The following DPP6 variants were observed in gnomAD, a reference collection of about 807,000 sequenced individuals.
DPP6 encodes the protein A-type potassium channel modulatory protein DPP6.
In DPP6, 69 loss-of-function variants were observed where a neutral mutation model predicts 122.6. The observed-to-expected ratio is 0.56, with a 90% CI of 0.46 to 0.69. DPP6 has a LOEUF of 0.69. Among genes scored for constraint, DPP6 ranks in the 30% least tolerant of loss-of-function variants. The pLI, the probability that DPP6 is intolerant of heterozygous loss-of-function variation, is 0.00. For missense variants in DPP6, 928 were observed against 1,116.9 expected (o/e 0.83, Z 2.41); for synonymous variants, 418 against 433.1 (o/e 0.97, Z 0.43).
At chr7:154,467,781 A>G (rs1821917190) in intron 2 of DPP6, among the ~76,000 whole-genome samples, 1 of 152,208 alleles carries the variant, frequency 6.6e-6, no homozygotes. Context: ...AATTCATTCC[A>G]TTAGACAAGT....
At chr7:153,815,155 G>T in the DPP6 span, among the ~76,000 whole-genome samples, 1 of 152,184 alleles carries the variant, frequency 6.6e-6, no homozygotes, top group Non-Finnish European at 1.5e-5. Context: ...ATTAGGAAAA[G>T]AGGAAGTCAA....
At chr7:154,380,773 G>A (rs2151141243) in intron 1 of DPP6, among the ~76,000 whole-genome samples, 1 of 152,302 alleles carries the variant, frequency 6.6e-6, no homozygotes, top group East Asian at 1.9e-4. Context: ...GGTGAGAAGT[G>A]GGAGACTGGT....
At chr7:154,252,235 T>TGTGCGCGC (rs60245069) in intron 1 of DPP6, among the ~76,000 whole-genome samples, 36 of 149,446 alleles carry the variant, frequency 2.4e-4, no homozygotes, top group Non-Finnish European at 4.4e-4. Flanking sequence ...TGTGTGTGTG[T>TGTGCGCGC]GCGCGCATGC....
the DPP6 span, among the ~76,000 whole-genome samples, chr7:153,750,062 A>C: frequency 6.6e-6 from 1 of 152,174 alleles, no homozygotes; most frequent in African/African-American, 2.4e-5. Context: ...ATTAGCCCAC[A>C]ATATCAACTC....
Position 154,769,436 on chromosome 7 carries a change from C to A in DPP6, c.903C>A (p.His301Gln), listed in dbSNP as rs763017189. 1.9e-6 allele frequency: 3 copies of A among 1,613,632 alleles called. No individual in the cohort carries two copies. The Admixed American group carries it at 5.0e-5, about 27-fold the overall frequency. The change falls in exon 9 of 26, where the codon CAC (histidine) becomes CAA (glutamine). Residue 301 changes from histidine to glutamine, a missense_variant. His to Gln is a conservative substitution (Grantham distance 24). Transcript: ENST00000377770. ...WLYEEEILKT[H>Q]IAHWWSPDGT... is the part of the protein sequence containing the mutation. ...CCTTAGAGGAGATTTTGAAGACACA[C>A]ATCGCACACTGGTGGTCTCCGGATG...
intron 1 of DPP6, among the ~76,000 whole-genome samples, chr7:153,934,412 A>G (rs1436987568): frequency 6.6e-6 from 1 of 152,160 alleles, no homozygotes; most frequent in East Asian, 1.9e-4. Flanking sequence ...GAATAAAATA[A>G]TAGTTGTGTA....
At chr7:154,273,927 C>T (rs1050426447) in intron 1 of DPP6, among the ~76,000 whole-genome samples, 3 of 152,176 alleles carry the variant, frequency 2.0e-5, no homozygotes, top group Admixed American at 6.5e-5. Context: ...AGCAATCATT[C>T]GTACAGATAA....
the DPP6 span, among the ~76,000 whole-genome samples, chr7:153,843,078 GCGCA>G: frequency 1.4e-5 from 2 of 146,540 alleles, no homozygotes; most frequent in African/African-American, 5.2e-5. Flanking sequence ...ATACACACGT[GCGCA>G]CACACACGAG....
At chr7:153,993,956 A>G (rs534764573) in intron 1 of DPP6, among the ~76,000 whole-genome samples, 3 of 152,370 alleles carry the variant, frequency 2.0e-5, no homozygotes, top group Admixed American at 2.0e-4. Context: ...TTGCCTGATC[A>G]GGGATACTTC....
At chr7:154,735,405 A>T (rs1432293839) in intron 8 of DPP6, among the ~76,000 whole-genome samples, 2 of 152,248 alleles carry the variant, frequency 1.3e-5, no homozygotes, top group African/African-American at 4.8e-5. Context: ...GAGGATATGA[A>T]AGTAAAAGTA....
intron 1 of DPP6, among the ~76,000 whole-genome samples, chr7:154,125,162 C>T (rs1370338385): frequency 6.6e-6 from 1 of 152,174 alleles, no homozygotes; most frequent in African/African-American, 2.4e-5. Context: ...GAAACCAGAT[C>T]AGGGCACACG....
At chr7:154,198,565 C>T (rs1242777379) in intron 1 of DPP6, among the ~76,000 whole-genome samples, 4 of 152,096 alleles carry the variant, frequency 2.6e-5, no homozygotes, top group Admixed American at 6.5e-5. Context: ...CTGCCCGCCT[C>T]GGCCACCCAA....
intron 1 of DPP6, among the ~76,000 whole-genome samples, chr7:153,945,582 G>A (rs979290718): frequency 6.6e-6 from 1 of 152,160 alleles, no homozygotes; most frequent in Admixed American, 6.5e-5. Context: ...CAGGGTTGGC[G>A]GTGGAGGCGC....
intron 1 of DPP6, among the ~76,000 whole-genome samples, chr7:154,135,330 C>T (rs1235879219): frequency 4.0e-5 from 6 of 150,346 alleles, no homozygotes; most frequent in African/African-American, 1.5e-4. Flanking sequence ...TCCTATAAGC[C>T]CACACTTCCT....
At chr7:154,503,986 T>G (rs1015048896) in intron 3 of DPP6, among the ~76,000 whole-genome samples, 1 of 152,214 alleles carries the variant, frequency 6.6e-6, no homozygotes, top group Non-Finnish European at 1.5e-5. Flanking sequence ...TGTTCCTGAT[T>G]TATAGATAAG....
At chr7:153,766,391 A>G in the DPP6 span, among the ~76,000 whole-genome samples, 25 of 152,168 alleles carry the variant, frequency 1.6e-4, no homozygotes, top group Admixed American at 5.2e-4. Flanking sequence ...GCCAATACCA[A>G]CGTTCTATTT....
At chr7:154,612,172 G>T (rs1269848175) in intron 5 of DPP6, among the ~76,000 whole-genome samples, 1 of 152,134 alleles carries the variant, frequency 6.6e-6, no homozygotes, top group African/African-American at 2.4e-5. Flanking sequence ...AGACCTGCGA[G>T]CCAATAGATC....
chr7:154,247,340 A>G (rs1302548431), intron 1 of DPP6, among the ~76,000 whole-genome samples: 1 of 152,246 alleles, frequency 6.6e-6, no homozygotes, highest in Admixed American at 6.5e-5. Context: ...GTCAAGTAAC[A>G]TATTAGAAAA....
intron 1 of DPP6, among the ~76,000 whole-genome samples, chr7:154,334,362 A>G (rs1049765690): frequency 3.0e-4 from 45 of 152,304 alleles, no homozygotes; most frequent in African/African-American, 9.6e-4. Flanking sequence ...TGATGTTCAT[A>G]CTCACAGTAA....
Sources: gnomAD v4.1 joint callset for allele counts (sites outside exome capture counted in the v4.1 genomes callset) on GRCh38, gnomAD v4.1.1 for gene constraint, MANE v1.5 for transcripts, NCBI Gene and HGNC (gene_info 2026-07-23, HGNC 2026-07-21) for gene names.